Variants in TCAF1 observed in about 807,000 individuals in gnomAD.
TCAF1 encodes the protein TRPM8 channel-associated factor 1.
In TCAF1, 4 loss-of-function variants were observed where a neutral mutation model predicts 27.3. That is an observed-to-expected ratio of 0.15 (90% confidence interval 0.07 to 0.34). TCAF1 has a LOEUF of 0.34. TCAF1 is among the 10% of genes least tolerant of loss of function. TCAF1 has a pLI of 1.00. For synonymous variants in TCAF1, 105 were observed against 167.1 expected (o/e 0.63, Z 2.87); for missense variants, 257 against 425.8 (o/e 0.60, Z 3.49).
intron 1 of TCAF1, among the ~76,000 whole-genome samples, chr7:143,885,717 A>G (rs1293565463): frequency 6.6e-6 from 1 of 151,976 alleles, no homozygotes; most frequent in Non-Finnish European, 1.5e-5. Context: ...TAAAATAAAC[A>G]TCTAACATAG....
At chr7:143,886,405 C>G (rs185605664) in intron 1 of TCAF1, 185 of 644,852 alleles carry the variant, frequency 2.9e-4, no homozygotes, top group Non-Finnish European at 1.7e-5. Context: ...GGACAGGGTA[C>G]GACATCCCAT....
chr7:143,877,600 C>T (rs189240827), intron 1 of TCAF1, among the ~76,000 whole-genome samples: 4 of 152,336 alleles, frequency 2.6e-5, no homozygotes, highest in East Asian at 3.9e-4. Flanking sequence ...CAAATATCCT[C>T]GGCTTCTTCA....
chr7:143,890,784 G>A (rs1207358917), intron 1 of TCAF1, among the ~76,000 whole-genome samples: 1 of 152,190 alleles, frequency 6.6e-6, no homozygotes, highest in Non-Finnish European at 1.5e-5. Flanking sequence ...GAAGAAACCA[G>A]ACAAGTTAAT....
intron 1 of TCAF1, among the ~76,000 whole-genome samples, chr7:143,886,700 C>CTTTTTTT (rs11398264): frequency 1.3e-4 from 12 of 89,160 alleles, no homozygotes; most frequent in East Asian, 3.6e-4. Context: ...CAAATTTTAC[C>CTTTTTTT]TTTTTTTTTT....
At chr7:143,885,393 G>A (rs1813348739) in intron 1 of TCAF1, 2 of 985,500 alleles carry the variant, frequency 2.0e-6, no homozygotes, top group African/African-American at 3.5e-5. Flanking sequence ...GTCCCCGGGA[G>A]CTGATTGGCT....
At chr7:143,877,569 A>G (rs1460571409) in intron 1 of TCAF1, among the ~76,000 whole-genome samples, 1 of 152,238 alleles carries the variant, frequency 6.6e-6, no homozygotes, top group Non-Finnish European at 1.5e-5. Context: ...TGCAGCTGAC[A>G]AAAGTGTGGA....
intron 1 of TCAF1, among the ~76,000 whole-genome samples, chr7:143,893,836 CTG>C (rs1193243312): frequency 1.3e-5 from 2 of 151,532 alleles, no homozygotes; most frequent in Non-Finnish European, 3.0e-5. Flanking sequence ...AAGGGAAAGA[CTG>C]AAAGTAAACT....
At position 143,882,918 on chromosome 7, in the gene TCAF1, C is replaced by G. The variant is rs113129558; in HGVS notation, c.-14-6296G>C. On this transcript the variant is annotated intron_variant, in intron 1 of 8. Coordinates refer to ENST00000479870, the MANE Select transcript of TCAF1 (RefSeq NM_014719.3). Reference sequence around the variant, plus strand: ...TTCCACGGGAGTCCCCTCCTCCCCACTTCCTCCCAGGCTGGAGTGGGAGCT... The same window carrying G: ...TTCCACGGGAGTCCCCTCCTCCCCAGTTCCTCCCAGGCTGGAGTGGGAGCT... 26 of 971,404 alleles carry G rather than the reference C, an allele frequency of 2.7e-5. No individual in the cohort carries two copies. In the African/African-American group the frequency reaches 3.5e-4, roughly 13 times the overall value. The allele number at this position is 971,404 out of a possible 1,614,324, so 60.2% of individuals were successfully genotyped here. A position where few individuals can be genotyped will look rare whatever the true frequency, so the allele number is the denominator to read the frequency against.
At position 143,902,157 on chromosome 7, in the gene TCAF1, G is replaced by C. The variant is rs946598651; in HGVS notation, c.-211C>G. ...AAAGGGCAGCGGGCTCGAAACTACAGGACTTGGAAAGTCTTAGGCGGAGAC... is the reference window on the plus strand; with the variant it reads ...AAAGGGCAGCGGGCTCGAAACTACACGACTTGGAAAGTCTTAGGCGGAGAC... On this transcript the variant is annotated 5_prime_UTR_variant, in exon 1 of 9. Coordinates refer to ENST00000479870, the MANE Select transcript of TCAF1 (RefSeq NM_014719.3). 1 of 152,354 alleles carries C rather than the reference G, an allele frequency of 6.6e-6. No homozygotes were observed. Among genetic ancestry groups the C allele is most frequent in the African/African-American group, 2.4e-5 (1 of 41,446 alleles). 9.4% of individuals were successfully genotyped at this position (152,354 alleles called of 1,614,324 possible).
At chr7:143,877,554 T>C (rs1165240192) in intron 1 of TCAF1, among the ~76,000 whole-genome samples, 1 of 152,238 alleles carries the variant, frequency 6.6e-6, no homozygotes, top group Non-Finnish European at 1.5e-5. Context: ...TAATTGCACC[T>C]GGGATGCAGC....
At chr7:143,871,311 G>A (rs1334786866) in intron 2 of TCAF1, among the ~76,000 whole-genome samples, 3 of 145,020 alleles carry the variant, frequency 2.1e-5, no homozygotes, top group Non-Finnish European at 3.0e-5. Context: ...ACAGCTTAAC[G>A]AGGCTTTAAC....
intron 2 of TCAF1, 52 bp downstream of exon 2, chr7:143,875,937 G>A (rs1016679564): frequency 6.7e-7 from 1 of 1,491,652 alleles, no homozygotes. Flanking sequence ...GATAAGAACT[G>A]GGTCTGCTTT....
chr7:143,885,267 G>C (rs1813336833), intron 1 of TCAF1: 3 of 985,622 alleles, frequency 3.0e-6, no homozygotes, highest in Non-Finnish European at 2.4e-6. Flanking sequence ...CTTCCACAGA[G>C]ATGTGGGAAG....
intron 2 of TCAF1, among the ~76,000 whole-genome samples, chr7:143,873,380 C>T (rs1586762832): frequency 1.0e-5 from 1 of 96,232 alleles, no homozygotes; most frequent in East Asian, 4.2e-4. Context: ...TGGAGATATA[C>T]TATTTTATGG....
rs200103826 is a variant in TCAF1 at position 143,876,044 on chromosome 7, C to T, written c.565G>A (p.Asp189Asn). ...AGIYFTDNKG[D>N]TSFFKVSKKM... is the part of the protein sequence containing the mutation. ...TTGGAGACTTTAAAGAAACTCGTGTCCCCTTTGTTGTCAGTAAAGTAAATG... is the reference window on the plus strand; with the variant it reads ...TTGGAGACTTTAAAGAAACTCGTGTTCCCTTTGTTGTCAGTAAAGTAAATG... The change falls in exon 2 of 9, where the codon GAC becomes AAC. Residue 189 changes from aspartate to asparagine, a missense_variant. Physicochemically the swap from Asp to Asn is conservative, Grantham distance 23. Around this residue, in one of 2 missense-constraint regions of TCAF1, gnomAD observed 255 missense variants for 260.1 expected, o/e 0.98. Transcript: ENST00000479870. The T allele has an allele frequency of 1.1e-5, 17 of 1,597,798 alleles. No homozygotes were observed. The highest frequency in any genetic ancestry group is 1.7e-4 in the Middle Eastern group (1 of 5,980).
chr7:143,898,852 A>T (rs1340832213), intron 1 of TCAF1, among the ~76,000 whole-genome samples: 1 of 152,220 alleles, frequency 6.6e-6, no homozygotes, highest in African/African-American at 2.4e-5. Context: ...ATGAGAGGCC[A>T]TCAGGTCATG....
chr7:143,897,864 ATAT>A (rs1419415401), intron 1 of TCAF1, among the ~76,000 whole-genome samples: 2 of 152,244 alleles, frequency 1.3e-5, no homozygotes, highest in Non-Finnish European at 2.9e-5. Context: ...AATACTATTC[ATAT>A]TATTTTATGA....
chr7:143,894,625 T>A (rs1813790499), intron 1 of TCAF1, among the ~76,000 whole-genome samples: 1 of 151,788 alleles, frequency 6.6e-6, no homozygotes. Flanking sequence ...GCATAAGGAA[T>A]CTTTTTGTGA....
rs1029052240 is a variant in TCAF1, at chr7:143,876,380, G to C, written c.229C>G (p.Leu77Val). 6.2e-7 allele frequency: 1 copy of C among 1,614,148 alleles called. No individual in the cohort carries two copies. Among genetic ancestry groups the C allele is most frequent in the Non-Finnish European group, 8.5e-7 (1 of 1,180,018 alleles). The stretch of plus-strand genomic sequence containing the variant: ...CAAAGCCACCCCACTGCGTTCAGGA[G>C]AAAGGGCGTGAGCTGGGCTTCCACC... ...YLVEAQLTPF[L>V]LNAVGWLCSS... The change falls in exon 2 of 9, where the codon CTC becomes GTC. Residue 77 changes from leucine to valine, a missense_variant. Around this residue, in one of 2 missense-constraint regions of TCAF1, gnomAD observed 255 missense variants for 260.1 expected, o/e 0.98. Coordinates refer to ENST00000479870, the MANE Select transcript of TCAF1 (RefSeq NM_014719.3).
Sources: allele counts gnomAD v4.1 joint callset (sites outside exome capture counted in the v4.1 genomes callset), GRCh38; gene constraint gnomAD v4.1.1; regional missense constraint gnomAD v4.1.1; transcripts MANE v1.5; gene names NCBI Gene and HGNC (gene_info 2026-07-23, HGNC 2026-07-21).